Variants in GRIK3 observed in about 807,000 individuals in gnomAD.
GRIK3 encodes the protein glutamate receptor ionotropic, kainate 3.
Under a neutral mutation model 102.5 loss-of-function variants are expected in GRIK3, and 29 were observed. That is an observed-to-expected ratio of 0.28 (90% confidence interval 0.21 to 0.39). The LOEUF (loss-of-function observed/expected upper bound fraction) is 0.39. Ranked by LOEUF, GRIK3 falls within the 10% of genes least tolerant of loss-of-function variation. The pLI is 1.00. For missense variants in GRIK3, 908 were observed against 1,252.4 expected, an observed-to-expected ratio of 0.73 and a Z score of 4.15; for synonymous variants, 511 against 504.9, an observed-to-expected ratio of 1.01 and a Z score of -0.16.
At chr1:36,921,867 T>G (rs1445078951) in intron 1 of GRIK3, among the ~76,000 whole-genome samples, 1 of 152,116 alleles carries the variant, frequency 6.6e-6, no homozygotes, top group Admixed American at 6.5e-5. Context: ...CTGCTCCTAT[T>G]GTAGGACAAA....
intron 1 of GRIK3, among the ~76,000 whole-genome samples, chr1:36,943,802 T>C (rs1641753206): frequency 6.6e-6 from 1 of 152,248 alleles, no homozygotes; most frequent in Admixed American, 6.5e-5. Flanking sequence ...GTGCTTGCTC[T>C]CCCAGCTTAC....
chr1:36,924,973 A>G (rs1641512258), intron 1 of GRIK3, among the ~76,000 whole-genome samples: 2 of 152,196 alleles, frequency 1.3e-5, no homozygotes, highest in Non-Finnish European at 2.9e-5. Context: ...GGCATCTACT[A>G]TGTGAAAGGC....
intron 1 of GRIK3, among the ~76,000 whole-genome samples, chr1:36,988,360 T>C (rs1642328111): frequency 6.6e-6 from 1 of 152,250 alleles, no homozygotes; most frequent in African/African-American, 2.4e-5. Context: ...AGGGCATTGC[T>C]GACCCAGTGG....
chr1:36,941,181 C>G (rs1043471482), intron 1 of GRIK3, among the ~76,000 whole-genome samples: 3 of 152,132 alleles, frequency 2.0e-5, no homozygotes, highest in Non-Finnish European at 4.4e-5. Flanking sequence ...TCTCATGACC[C>G]AGTCTCTGTG....
chr1:36,977,698 T>A (rs1275274460), intron 1 of GRIK3, among the ~76,000 whole-genome samples: 2 of 152,242 alleles, frequency 1.3e-5, no homozygotes, highest in African/African-American at 4.8e-5. Flanking sequence ...CCTGCCTTGC[T>A]GAAGAGGGTG....
intron 10 of GRIK3, among the ~76,000 whole-genome samples, chr1:36,832,084 TCTACTGC>T (rs1640307989): frequency 9.0e-3 from 4 of 446 alleles, no homozygotes; most frequent in Non-Finnish European, 0.02. Context: ...TGGCGACTGC[TCTACTGC>T]TCTCATCGCA....
intron 1 of GRIK3, among the ~76,000 whole-genome samples, chr1:37,010,633 T>C (rs1183107221): frequency 6.6e-6 from 1 of 151,900 alleles, no homozygotes; most frequent in African/African-American, 2.4e-5. Flanking sequence ...GTAATGCTTG[T>C]AGAAAGCACC....
intron 15 of GRIK3, 68 bp downstream of exon 15, chr1:36,804,919 A>T: frequency 6.4e-7 from 1 of 1,573,664 alleles, no homozygotes; most frequent in Non-Finnish European, 8.7e-7. Flanking sequence ...TGCCTGGCAC[A>T]TACAGGAGTG....
chr1:36,953,069 G>A (rs1202858073), intron 1 of GRIK3, among the ~76,000 whole-genome samples: 1 of 152,226 alleles, frequency 6.6e-6, no homozygotes, highest in Non-Finnish European at 1.5e-5. Flanking sequence ...AAGAGACTGT[G>A]CTCAAGTGCC....
At chr1:36,890,894 AAC>A in intron 2 of GRIK3, 24 bp downstream of exon 2, 1 of 1,570,998 alleles carries the variant, frequency 6.4e-7, no homozygotes, top group South Asian at 1.2e-5. Flanking sequence ...CTGGGAAGAG[AAC>A]AGAGGCAGGA....
In GRIK3 at chr1:36,959,994, C is replaced by T. The variant is rs796397204; in HGVS notation, c.116-68898G>A. On this transcript the variant is annotated intron_variant, in intron 1 of 15. Transcript: ENST00000373091. The stretch of plus-strand genomic sequence containing the variant: ...GTCTATGCCCCATGAGCCTCTGTGC[C>T]CCGTGAGTCTGTGTGCCCCATAAGT... 3.6e-5 allele frequency among the ~76,000 whole-genome samples: 4 copies of T among 110,044 alleles called. No individual in the cohort carries two copies. In the South Asian group the frequency reaches 1.0e-3, roughly 28 times the overall value. The allele number at this position is 110,044 out of a possible 152,430, so 72.2% of individuals were successfully genotyped here. A position where few individuals can be genotyped will look rare whatever the true frequency, so the allele number is the denominator to read the frequency against.
chr1:37,000,730 G>A (rs1424869715), intron 1 of GRIK3, among the ~76,000 whole-genome samples: 1 of 152,184 alleles, frequency 6.6e-6, no homozygotes, highest in African/African-American at 2.4e-5. Flanking sequence ...ATGGCTGTCT[G>A]AATCCAAATT....
intron 1 of GRIK3, among the ~76,000 whole-genome samples, chr1:36,892,449 G>C (rs1641128225): frequency 6.7e-6 from 1 of 149,558 alleles, no homozygotes; most frequent in African/African-American, 2.5e-5. Context: ...ACCAACTTGA[G>C]CAACATAGTG....
intron 1 of GRIK3, among the ~76,000 whole-genome samples, chr1:36,956,054 G>T (rs2124339792): frequency 6.6e-6 from 1 of 152,376 alleles, no homozygotes; most frequent in East Asian, 1.9e-4. Flanking sequence ...GGCCTGTGGG[G>T]GCTTCAGTGG....
intron 1 of GRIK3, among the ~76,000 whole-genome samples, chr1:36,922,616 C>A (rs1024565976): frequency 1.3e-5 from 2 of 152,190 alleles, no homozygotes; most frequent in African/African-American, 4.8e-5. Context: ...AGACAGGGGG[C>A]CATGCGCTTA....
At chr1:36,859,546 C>T (rs893709014) in intron 6 of GRIK3, among the ~76,000 whole-genome samples, 2 of 139,378 alleles carry the variant, frequency 1.4e-5, no homozygotes, top group African/African-American at 2.6e-5. Context: ...TCTGCCTTCT[C>T]GGCCTTCACA....
rs1433073057 is a variant in GRIK3 at position 36,841,820 on chromosome 1, C to G, written c.1446G>C (p.Glu482Asp). 6.2e-7 allele frequency: 1 copy of G among 1,614,224 alleles called. No individual in the cohort carries two copies. Among genetic ancestry groups the G allele is most frequent in the Non-Finnish European group, 8.5e-7 (1 of 1,180,030 alleles). The change falls in exon 10 of 16, where the codon GAG becomes GAC. Residue 482 changes from glutamate to aspartate, a missense_variant. By Grantham distance (45) the Glu-to-Asp change is conservative (BLOSUM62 2). Coordinates refer to ENST00000373091, the MANE Select transcript of GRIK3 (RefSeq NM_000831.4). ...ELAHILGFSY[E>D]IRLVEDGKYG... is the part of the protein sequence containing the mutation. Reference sequence around the variant, plus strand: ...ACTTGCCGTCCTCCACCAGCCGGATCTCATAGGAGAAACCAAGGATGTGGG... The same window carrying G: ...ACTTGCCGTCCTCCACCAGCCGGATGTCATAGGAGAAACCAAGGATGTGGG...
chr1:36,915,477 C>T (rs538705049), intron 1 of GRIK3, among the ~76,000 whole-genome samples: 15 of 152,270 alleles, frequency 9.9e-5, no homozygotes, highest in East Asian at 1.9e-4. Context: ...AGCAAAACTC[C>T]GGGGTGGGAA....
At position 36,872,322 on chromosome 1, in the gene GRIK3, T is replaced by C; in HGVS notation, c.598A>G (p.Ile200Val). 1 of 1,611,926 alleles carries C rather than the reference T, an allele frequency of 6.2e-7. No homozygotes were observed. The highest frequency in any genetic ancestry group is 2.2e-5 in the East Asian group (1 of 44,704). The change falls in exon 4 of 16, where the codon ATC becomes GTC. Residue 200 changes from isoleucine (I) to valine (V), a missense_variant. By Grantham distance (29) the Ile-to-Val change is conservative (BLOSUM62 3). Around this residue, in one of 3 missense-constraint regions of GRIK3, gnomAD observed 585 missense variants for 824.9 expected, o/e 0.71. Coordinates refer to ENST00000373091, the MANE Select transcript of GRIK3 (RefSeq NM_000831.4). This position sits in a 1 kb window ranked among gnomAD's most constrained non-coding sequence, Gnocchi z 5.9. Reference protein sequence around the residue: ...ELIMAPSRYNIRLKIRQLPID... With the variant: ...ELIMAPSRYNVRLKIRQLPID... ...GGGAGCTGACGGATCTTCAGGCGGA[T>C]GTTGTATCTTGATGGGGCCATGATG...
Sources: gnomAD v4.1 joint callset for allele counts (sites outside exome capture counted in the v4.1 genomes callset) on GRCh38, gnomAD v4.1.1 for gene constraint, gnomAD v4.1.1 regional missense constraint, Gnocchi (gnomAD v3.1) non-coding constraint, MANE v1.5 for transcripts, NCBI Gene and HGNC (gene_info 2026-07-23, HGNC 2026-07-21) for gene names.